Variants in CFHR5 observed in about 807,000 individuals in gnomAD.
The protein encoded by CFHR5 is complement factor H-related protein 5.
A neutral mutation model predicts 62.9 loss-of-function variants in CFHR5; 73 were observed. The ratio of observed to expected loss-of-function variants is 1.16; its 90% CI spans 0.96 to 1.41. The LOEUF (loss-of-function observed/expected upper bound fraction) is 1.41, where lower values mean the gene tolerates loss of function less well. CFHR5 is among the 40% of genes most tolerant of loss of function. The pLI, the probability that CFHR5 is intolerant of heterozygous loss-of-function variation, is 0.00. For missense variants in CFHR5, 779 were observed against 679.9 expected, an observed-to-expected ratio of 1.15 and a Z score of -1.62; for synonymous variants, 249 against 227.2, an observed-to-expected ratio of 1.10 and a Z score of -0.86.
intron 4 of CFHR5, among the ~76,000 whole-genome samples, chr1:196,994,972 C>G (rs1246777170): frequency 6.6e-6 from 1 of 152,080 alleles, no homozygotes; most frequent in East Asian, 1.9e-4. Flanking sequence ...CCCCATAATT[C>G]AATTACCTCC....
At chr1:196,980,039 T>A (rs1478524740) in intron 1 of CFHR5, among the ~76,000 whole-genome samples, 1 of 152,118 alleles carries the variant, frequency 6.6e-6, no homozygotes, top group East Asian at 1.9e-4. Context: ...CTTCTACACC[T>A]TTTTGTTAAA....
intron 3 of CFHR5, among the ~76,000 whole-genome samples, chr1:196,989,441 A>C (rs1397287737): frequency 6.6e-6 from 1 of 151,704 alleles, no homozygotes; most frequent in Non-Finnish European, 1.5e-5. Flanking sequence ...TTGCTTCTCT[A>C]GTTCTTTCAA....
chr1:196,995,894 G>C lies in CFHR5; in HGVS notation c.785G>C (p.Cys262Ser). ...VDGEWTTLPTCVEQVKTCGYI... is the reference protein window; with the variant it reads ...VDGEWTTLPTSVEQVKTCGYI... ...GGAGAATGGACAACTTTACCCACTT[G>C]TGTTGGTAAATAAATATTAACATTT... is the stretch of plus-strand genomic sequence containing the variant. Residue 262 changes from cysteine to serine, a missense_variant, in exon 5 of 10, where the codon TGT (cysteine) becomes TCT (serine). Coordinates refer to ENST00000256785, the MANE Select transcript of CFHR5 (RefSeq NM_030787.4). 2 of 1,610,314 alleles carry C rather than the reference G, an allele frequency of 1.2e-6. No individual in the cohort carries two copies. The highest frequency in any genetic ancestry group is 1.7e-6 in the Non-Finnish European group (2 of 1,176,772).
At chr1:196,979,478 TG>T (rs1040208206) in intron 1 of CFHR5, among the ~76,000 whole-genome samples, 2 of 152,090 alleles carry the variant, frequency 1.3e-5, no homozygotes, top group Non-Finnish European at 2.9e-5. Context: ...CTGAATACTG[TG>T]GGCAACTGTA....
intron 3 of CFHR5, among the ~76,000 whole-genome samples, chr1:196,989,060 C>T (rs527285046): frequency 6.6e-6 from 1 of 152,042 alleles, no homozygotes; most frequent in Non-Finnish European, 1.5e-5. Context: ...TGTTATTGGT[C>T]TATTCAGAGA....
chr1:197,003,362 G>A (rs1390571477), intron 8 of CFHR5, among the ~76,000 whole-genome samples: 1 of 152,066 alleles, frequency 6.6e-6, no homozygotes, highest in African/African-American at 2.4e-5. Context: ...GGGACAATAG[G>A]AGCAATAGGC....
intron 3 of CFHR5, 99 bp from the exon 4 acceptor site, chr1:196,993,981 T>C (rs1033611482): frequency 1.1e-6 from 1 of 873,814 alleles, no homozygotes; most frequent in East Asian, 2.5e-5. Context: ...TATTTTATAC[T>C]CTGTATATGA....
At position 197,007,205 on chromosome 1, in the gene CFHR5, A is replaced by G. The variant is rs766150231; in HGVS notation, c.1514-1282A>G. On this transcript the variant is annotated intron_variant, in intron 9 of 9. Coordinates refer to ENST00000256785, the MANE Select transcript of CFHR5 (RefSeq NM_030787.4). ...ATTTTACACCGAGAAAACATGCAAT[A>G]TGGGGAAATTGTTTAAGGCCCTGGC... Among the ~76,000 whole-genome samples the G allele has an allele frequency of 2.2e-4, 33 of 152,038 alleles. 2 individuals carry two copies. The highest frequency in any genetic ancestry group is 2.9e-4 in the Non-Finnish European group (20 of 68,018).
At chr1:197,004,270 A>G (rs1356331093) in intron 8 of CFHR5, among the ~76,000 whole-genome samples, 1 of 152,192 alleles carries the variant, frequency 6.6e-6, no homozygotes, top group East Asian at 1.9e-4. Context: ...CAGTAAAACT[A>G]CAAGTTTATG....
intron 7 of CFHR5, among the ~76,000 whole-genome samples, chr1:197,001,179 C>T (rs1438326195): frequency 3.9e-5 from 6 of 151,970 alleles, no homozygotes; most frequent in African/African-American, 1.5e-4. Context: ...ATAAGTAGGA[C>T]GAGTCATATA....
At chr1:196,997,616 A>G (rs1307421156) in intron 6 of CFHR5, among the ~76,000 whole-genome samples, 1 of 152,122 alleles carries the variant, frequency 6.6e-6, no homozygotes, top group Non-Finnish European at 1.5e-5. Flanking sequence ...TCTTCCCCTG[A>G]GAATACTCTG....
chr1:196,980,157 A>C (rs1299779897), intron 1 of CFHR5, among the ~76,000 whole-genome samples: 2 of 152,100 alleles, frequency 1.3e-5, no homozygotes, highest in African/African-American at 4.8e-5. Flanking sequence ...TAGGGCAGTA[A>C]CATGCATGGA....
chr1:196,998,631 G>T (rs189880975), intron 7 of CFHR5, among the ~76,000 whole-genome samples: 4 of 152,056 alleles, frequency 2.6e-5, no homozygotes, highest in Non-Finnish European at 2.9e-5. Context: ...CCCCAATTAT[G>T]CACTGTGAAA....
At chr1:197,000,896 T>C (rs1654135670) in intron 7 of CFHR5, among the ~76,000 whole-genome samples, 1 of 152,186 alleles carries the variant, frequency 6.6e-6, no homozygotes, top group Admixed American at 6.5e-5. Flanking sequence ...TTCTAAATAA[T>C]AAATAATATT....
chr1:196,976,948 G>T (rs1371893092), upstream of CFHR5, among the ~76,000 whole-genome samples: 1 of 151,558 alleles, frequency 6.6e-6, no homozygotes, highest in Admixed American at 6.6e-5. Context: ...GGGACTACAG[G>T]CGCCCGCCAC....
chr1:197,004,009 G>A (rs1360307032), intron 8 of CFHR5, among the ~76,000 whole-genome samples: 1 of 152,058 alleles, frequency 6.6e-6, no homozygotes, highest in Admixed American at 6.6e-5. Flanking sequence ...ACTAGAGGAT[G>A]TACAAGCAAT....
chr1:196,977,460 T>C, upstream of CFHR5: 1 of 618,800 alleles, frequency 1.6e-6, no homozygotes, highest in Non-Finnish European at 3.0e-6. Flanking sequence ...AATATTATTG[T>C]GAAGACACTG....
At chr1:197,004,556 T>A (rs1351101224) in intron 8 of CFHR5, 105 bp from the exon 9 acceptor site, 2 of 911,370 alleles carry the variant, frequency 2.2e-6, no homozygotes, top group African/African-American at 1.7e-5. Flanking sequence ...AATTAATTAT[T>A]TGAATTTCCA....
At chr1:196,999,722 T>TATATATACAC (rs1164729053) in intron 7 of CFHR5, among the ~76,000 whole-genome samples, 22 of 116,158 alleles carry the variant, frequency 1.9e-4, no homozygotes, top group African/African-American at 7.3e-4. Context: ...TATATATATA[T>TATATATACAC]ACACACACAC....
Sources: gnomAD v4.1 joint callset for allele counts (sites outside exome capture counted in the v4.1 genomes callset) on GRCh38, gnomAD v4.1.1 for gene constraint, MANE v1.5 for transcripts, NCBI Gene and HGNC (gene_info 2026-07-23, HGNC 2026-07-21) for gene names.